The following ADARB1 variants were observed in gnomAD, a reference collection of about 807,000 sequenced individuals.
The protein encoded by ADARB1 is adenosine deaminase RNA specific B1.
ADARB1 carries 10 observed loss-of-function variants against 52.4 expected under a neutral mutation model. The ratio of observed to expected loss-of-function variants is 0.19; its 90% CI spans 0.12 to 0.32. The LOEUF (loss-of-function observed/expected upper bound fraction) is 0.32, where lower values mean the gene tolerates loss of function less well. Among genes scored for constraint, ADARB1 ranks in the 10% least tolerant of loss-of-function variants. The pLI is 1.00. For missense variants in ADARB1, 643 were observed against 922.3 expected (o/e 0.70, Z 3.92); for synonymous variants, 349 against 371.1 (o/e 0.94, Z 0.68).
intron 1 of ADARB1, among the ~76,000 whole-genome samples, chr21:45,109,279 T>C (rs1300330070): frequency 1.3e-5 from 2 of 151,544 alleles, no homozygotes; most frequent in African/African-American, 2.4e-5. Context: ...TGCGCGCGTG[T>C]GCGCGCTTGT....
intron 2 of ADARB1, chr21:45,134,703 T>C (rs887453612): frequency 1.6e-5 from 7 of 450,314 alleles, no homozygotes; most frequent in Non-Finnish European, 2.7e-5. Context: ...TTTTTTTTTT[T>C]TTTTACACAA....
chr21:45,107,363 A>G (rs541233966), intron 1 of ADARB1, among the ~76,000 whole-genome samples: 1 of 152,314 alleles, frequency 6.6e-6, no homozygotes, highest in South Asian at 2.1e-4. Flanking sequence ...CTTGGGCTGG[A>G]CATGTCGATT....
At position 45,176,968 on chromosome 21, in the gene ADARB1, CA is replaced by C; in HGVS notation, c.963+305del. ...TCCCTTCCCGTTAGGCAACCCCCCC[CA>C]TGACCCTCATCCCACAGCAAGCCTT... On this transcript the variant is annotated intron_variant, in intron 4 of 10. Transcript: ENST00000348831. The surrounding 1 kb of genome is among the most constrained non-coding windows in gnomAD (Gnocchi z 5.8). 9 of 284,748 alleles carry C rather than the reference CA, an allele frequency of 3.2e-5. No individual in the cohort carries two copies. The highest frequency in any genetic ancestry group is 1.1e-3 in the Middle Eastern group (1 of 912). The allele number at this position is 284,748 out of a possible 1,614,324, so 17.6% of individuals were successfully genotyped here.
intron 1 of ADARB1, among the ~76,000 whole-genome samples, chr21:45,120,429 G>A (rs373776183): frequency 1.4e-4 from 21 of 152,256 alleles, no homozygotes; most frequent in African/African-American, 4.6e-4. Flanking sequence ...GTGAACTGTC[G>A]ATTGAATGCC....
intron 1 of ADARB1, among the ~76,000 whole-genome samples, chr21:45,078,666 T>C (rs1298789313): frequency 6.6e-6 from 1 of 152,076 alleles, no homozygotes. Context: ...GGAAGTGAGA[T>C]GGGAGTGGAG....
At chr21:45,121,509 G>C (rs527995496) in intron 1 of ADARB1, among the ~76,000 whole-genome samples, 104 of 152,224 alleles carry the variant, frequency 6.8e-4, no homozygotes, top group Admixed American at 1.6e-3. Context: ...CTGTGTCTGG[G>C]TTCATGCTTA....
chr21:45,219,079 C>T (rs2092917984), intron 9 of ADARB1, among the ~76,000 whole-genome samples: 1 of 152,030 alleles, frequency 6.6e-6, no homozygotes, highest in Admixed American at 6.5e-5. Context: ...TTAAACACAG[C>T]AAGAAAATAA....
rs780420940 is a variant in ADARB1, at chr21:45,176,251, G to A, written c.550G>A (p.Asp184Asn). 1 of 1,614,078 alleles carries A rather than the reference G, an allele frequency of 6.2e-7. No homozygotes were observed. The highest frequency in any genetic ancestry group is 1.3e-5 in the African/African-American group (1 of 74,944). ...GCTCTTCAATGGTTTTGAAACTCCT[G>A]ACAAGGCGGAGCCTCCCTTTTACGT... The part of the protein sequence containing the change: ...DTLFNGFETP[D>N]KAEPPFYVGS... Residue 184 changes from aspartate to asparagine, a missense_variant, in exon 4 of 11, where the codon GAC (aspartate) becomes AAC (asparagine). By Grantham distance (23) the Asp-to-Asn change is conservative. Coordinates refer to ENST00000348831, the MANE Select transcript of ADARB1 (RefSeq NM_001112.4). The surrounding 1 kb of genome is among the most constrained non-coding windows in gnomAD (Gnocchi z 5.8).
At chr21:45,121,389 G>GTC (rs2088176040) in intron 1 of ADARB1, among the ~76,000 whole-genome samples, 1 of 152,132 alleles carries the variant, frequency 6.6e-6, no homozygotes. Context: ...TTACTTTCCC[G>GTC]TCTGCACATT....
intron 2 of ADARB1, among the ~76,000 whole-genome samples, chr21:45,165,565 C>T (rs372766): frequency 0.62 from 93,806 of 152,008 alleles, 29,108 homozygotes; most frequent in African/African-American, 0.67. Context: ...TGGAACACTT[C>T]AGTGATATTG....
intron 8 of ADARB1, among the ~76,000 whole-genome samples, chr21:45,198,490 A>C (rs1469041530): frequency 9.4e-5 from 1 of 10,682 alleles, no homozygotes. Flanking sequence ...CTGCCTATTA[A>C]ATTAAATCAC....
At chr21:45,105,761 G>A (rs1013631288) in intron 1 of ADARB1, among the ~76,000 whole-genome samples, 1 of 152,202 alleles carries the variant, frequency 6.6e-6, no homozygotes, top group Non-Finnish European at 1.5e-5. Context: ...TCGTGAAAAC[G>A]TATTGTTGGT....
At chr21:45,173,028 G>A (rs1443654647) in intron 3 of ADARB1, among the ~76,000 whole-genome samples, 1 of 152,232 alleles carries the variant, frequency 6.6e-6, no homozygotes, top group East Asian at 1.9e-4. Context: ...AACGGAGCAT[G>A]TGCAGGGGTC....
chr21:45,203,241 C>A (rs1490503931), intron 8 of ADARB1, among the ~76,000 whole-genome samples: 1 of 152,206 alleles, frequency 6.6e-6, no homozygotes, highest in African/African-American at 2.4e-5. Context: ...GTCCTGTGTC[C>A]CCTGCCCCCC....
chr21:45,197,372 C>T (rs2092448330), intron 8 of ADARB1, among the ~76,000 whole-genome samples: 2 of 151,826 alleles, frequency 1.3e-5, no homozygotes, highest in African/African-American at 4.8e-5. Context: ...TGGTGGCACA[C>T]ACCTGTAGTC....
At chr21:45,134,233 C>A (rs112238050) in intron 2 of ADARB1, among the ~76,000 whole-genome samples, 2 of 4,082 alleles carry the variant, frequency 4.9e-4, no homozygotes, top group East Asian at 5.0e-3. Flanking sequence ...TGTGCGCCCG[C>A]CGGGTGTGTG....
chr21:45,152,648 T>C, intron 2 of ADARB1: 2 of 445,536 alleles, frequency 4.5e-6, no homozygotes, highest in African/African-American at 4.0e-5. Flanking sequence ...CATGGGGACC[T>C]TTTTCAGCAT....
intron 8 of ADARB1, among the ~76,000 whole-genome samples, chr21:45,186,577 A>G (rs1441432213): frequency 6.6e-6 from 1 of 152,220 alleles, no homozygotes. Context: ...ATATCTTCAT[A>G]GTTTCAATTT....
intron 1 of ADARB1, among the ~76,000 whole-genome samples, chr21:45,108,841 G>T (rs147415566): frequency 1.3e-5 from 2 of 150,652 alleles, no homozygotes; most frequent in East Asian, 4.2e-4. Flanking sequence ...GAAGGTACCT[G>T]ATACAGATTA....
Sources: allele counts gnomAD v4.1 joint callset (sites outside exome capture counted in the v4.1 genomes callset), GRCh38; gene constraint gnomAD v4.1.1; non-coding constraint Gnocchi (gnomAD v3.1); transcripts MANE v1.5; gene names NCBI Gene and HGNC (gene_info 2026-07-23, HGNC 2026-07-21).